QRICH2: variants seen among roughly 807,000 people sequenced by gnomAD.
The protein encoded by QRICH2 is glutamine rich 2.
QRICH2 carries 119 observed loss-of-function variants against 168.3 expected under a neutral mutation model. That is an observed-to-expected ratio of 0.71 (90% CI 0.61 to 0.82). The LOEUF (loss-of-function observed/expected upper bound fraction) is 0.82. Ranked by LOEUF, QRICH2 falls within the 40% of genes least tolerant of loss-of-function variation. The pLI is 0.00. For missense variants in QRICH2, 2,241 were observed against 2,491.6 expected, an observed-to-expected ratio of 0.90 and a Z score of 2.14; for synonymous variants, 894 against 951.2, an observed-to-expected ratio of 0.94 and a Z score of 1.11.
In QRICH2 at chr17:76,274,052, C is replaced by T. The variant is rs1346695355; in HGVS notation, c.*27G>A. 1.4e-6 allele frequency: 2 copies of T among 1,479,120 alleles called. No individual in the cohort carries two copies. The highest frequency in any genetic ancestry group is 1.3e-5 in the South Asian group (1 of 77,716). The allele number at this position is 1,479,120 out of a possible 1,614,324, so 91.6% of individuals were successfully genotyped here. On this transcript the variant is annotated 3_prime_UTR_variant, in exon 19 of 19. Transcript: ENST00000680821. ...AGACGATTCGCCACACCTAAGCTTC[C>T]TCCTGAATGTTTATTTACACCTCCG... is the stretch of plus-strand genomic sequence containing the variant.
chr17:76,276,621 T>C, intron 17 of QRICH2, 59 bp downstream of exon 17: 1 of 1,313,374 alleles, frequency 7.6e-7, no homozygotes, highest in South Asian at 1.2e-5. Context: ...GGCCCCACAA[T>C]GGATGCACGC....
intron 3 of QRICH2, among the ~76,000 whole-genome samples, chr17:76,294,397 T>C (rs567500102): frequency 1.9e-4 from 29 of 151,810 alleles, no homozygotes; most frequent in African/African-American, 6.8e-4. Context: ...CCAGCCTGGG[T>C]GACAAGAGTG....
chr17:76,290,742 T>C (rs989125718), intron 4 of QRICH2, among the ~76,000 whole-genome samples: 1 of 152,058 alleles, frequency 6.6e-6, no homozygotes, highest in South Asian at 2.1e-4. Flanking sequence ...ATGCTACTGC[T>C]CTCTATAACC....
At chr17:76,297,725 G>A (rs537007992) in intron 3 of QRICH2, among the ~76,000 whole-genome samples, 2 of 152,060 alleles carry the variant, frequency 1.3e-5, no homozygotes, top group African/African-American at 4.8e-5. Context: ...ACACACACAA[G>A]CACACACTTT....
At chr17:76,276,638 G>T in intron 17 of QRICH2, 42 bp downstream of exon 17, 1 of 1,504,782 alleles carries the variant, frequency 6.6e-7, no homozygotes, top group Non-Finnish European at 9.2e-7. Context: ...ACGCCCTGTG[G>T]GACCCACGTG....
In QRICH2 at chr17:76,280,882, G is replaced by T. The variant is rs771278606; in HGVS notation, c.4335C>A (p.Ile1445=). Residue 1445 remains isoleucine (I), a synonymous_variant, in exon 9 of 19, where the codon ATC becomes ATA. Transcript: ENST00000680821. This position sits in a 1 kb window ranked among gnomAD's most constrained non-coding sequence, Gnocchi z 7.4. ...GGTCCTCGATGAGGTTGCTGGTGGTGATGTTGAGCTTCTCGCAGTCACCCT... is the reference window on the plus strand; with the variant it reads ...GGTCCTCGATGAGGTTGCTGGTGGTTATGTTGAGCTTCTCGCAGTCACCCT... ...QVQGDCEKLN[I]TTSNLIEDHR... 5.0e-6 allele frequency: 8 copies of T among 1,613,460 alleles called. No homozygotes were observed. The African/African-American group carries it at 1.1e-4, about 22-fold the overall frequency.
In QRICH2 at chr17:76,304,995, TCACATGCACACA is replaced by T; in HGVS notation, c.535-66_535-55del. ...GACAGTGGCCCCTACACACGCACAC[TCACATGCACACA>T]CACACAGATGCGCACACACACTCTC... On this transcript the variant is annotated intron_variant, in intron 1 of 18. Transcript: ENST00000680821. The T allele has an allele frequency of 3.4e-6, 4 of 1,180,016 alleles. No homozygotes were observed. In the South Asian group the frequency reaches 4.9e-5, roughly 14 times the overall value. The allele number at this position is 1,180,016 out of a possible 1,614,324, so 73.1% of individuals were successfully genotyped here.
rs2070767986 is a variant in QRICH2 at position 76,280,543 on chromosome 17, G to T, written c.4462-92C>A. On this transcript the variant is annotated intron_variant, in intron 10 of 18. Coordinates refer to ENST00000680821, the MANE Select transcript of QRICH2 (RefSeq NM_001388453.1). This position sits in a 1 kb window ranked among gnomAD's most constrained non-coding sequence, Gnocchi z 7.4. ...GGTGTCGACCCCTATCACCAGGCAGGTTTCTGAGAGCCCACACTCGTCTCG... is the reference window on the plus strand; with the variant it reads ...GGTGTCGACCCCTATCACCAGGCAGTTTTCTGAGAGCCCACACTCGTCTCG... 1.1e-5 allele frequency: 18 copies of T among 1,591,916 alleles called. No homozygotes were observed. The South Asian group carries it at 1.5e-4, about 13-fold the overall frequency.
Position 76,304,416 on chromosome 17 carries a change from G to A in QRICH2, c.704C>T (p.Ala235Val), listed in dbSNP as rs73996306. Residue 235 changes from alanine to valine, a missense_variant and splice_region_variant, in exon 3 of 19, where the codon GCG (alanine) becomes GTG (valine). Coordinates refer to ENST00000680821, the MANE Select transcript of QRICH2 (RefSeq NM_001388453.1). ...CGGCCCAGGCCCCCACTGGTTCACC[G>A]CTTGTGAGGCTCTCCAGCCGTCCGT... is the stretch of plus-strand genomic sequence containing the variant. ...AITDGWRASQ[A>V]GSETLMGFSK... The A allele has an allele frequency of 0.037, 59,848 of 1,608,536 alleles. 2,158 individuals carry two copies. The highest frequency in any genetic ancestry group is 0.18 in the African/African-American group (13,545 of 74,886).
chr17:76,276,044 C>A, intron 17 of QRICH2, 97 bp from the exon 18 acceptor site: 1 of 1,444,040 alleles, frequency 6.9e-7, no homozygotes, highest in South Asian at 1.2e-5. Context: ...GGCTGCTGGT[C>A]ATGGCCGGCC....
chr17:76,275,362 C>T (rs922766544), intron 18 of QRICH2, among the ~76,000 whole-genome samples: 3 of 152,150 alleles, frequency 2.0e-5, no homozygotes, highest in Non-Finnish European at 4.4e-5. Context: ...CCCTCCTGAC[C>T]TTCAGGCCCA....
chr17:76,309,511 A>T (rs2071046129), upstream of QRICH2: 1 of 152,192 alleles, frequency 6.6e-6, no homozygotes. Flanking sequence ...AAAACGTATA[A>T]ATAAAACTTC....
intron 17 of QRICH2, 103 bp from the exon 18 acceptor site, chr17:76,276,050 C>T (rs913845168): frequency 5.1e-5 from 72 of 1,398,798 alleles, no homozygotes; most frequent in Admixed American, 3.8e-5. Context: ...TGGTCATGGC[C>T]GGCCTCAGCT....
At chr17:76,279,549 C>A in intron 12 of QRICH2, 121 bp from the exon 13 acceptor site, 1 of 730,888 alleles carries the variant, frequency 1.4e-6, no homozygotes, top group Non-Finnish European at 2.3e-6. Context: ...TCCCTGCTCC[C>A]CAGGAATCCA....
chr17:76,288,612 T>C lies in QRICH2; in HGVS notation c.3799-715A>G, dbSNP rs1311335815. The stretch of plus-strand genomic sequence containing the variant: ...CCCAGCTACTTGGGAGGCTGAGGCA[T>C]GAGAATAGCTTGAACCCAGGGGGCA... On this transcript the variant is annotated intron_variant, in intron 5 of 18. Transcript: ENST00000680821. Among the ~76,000 whole-genome samples, 7 of 137,180 alleles carry C rather than the reference T, an allele frequency of 5.1e-5. No homozygotes were observed. In the East Asian group the frequency reaches 1.6e-3, roughly 30 times the overall value. The allele number at this position is 137,180 out of a possible 152,430, so 90.0% of individuals were successfully genotyped here.
In QRICH2 at chr17:76,307,798, C is replaced by T; in HGVS notation, c.201G>A (p.Ser67=). 1 of 1,363,868 alleles carries T rather than the reference C, an allele frequency of 7.3e-7. No homozygotes were observed. Among genetic ancestry groups the T allele is most frequent in the Non-Finnish European group, 9.4e-7 (1 of 1,062,162 alleles). 84.5% of individuals were successfully genotyped at this position (1,363,868 alleles called of 1,614,324 possible). The change falls in exon 1 of 19, where the codon TCG becomes TCA. Residue 67 remains serine (S), a synonymous_variant. Transcript: ENST00000680821. This position sits in a 1 kb window ranked among gnomAD's most constrained non-coding sequence, Gnocchi z 5.3. ...GCGCGGGCAGGTGCGGGATGCTGAACGAGCTCCGGACGGACTGCAGCGAGC... is the reference window on the plus strand; with the variant it reads ...GCGCGGGCAGGTGCGGGATGCTGAATGAGCTCCGGACGGACTGCAGCGAGC... ...PSRSLQSVRS[S]FSIPHLPAPK...
intron 5 of QRICH2, 39 bp downstream of exon 5, chr17:76,289,951 CAA>C (rs370221376): frequency 0.01 from 11,202 of 1,118,026 alleles, no homozygotes; most frequent in East Asian, 0.012. Flanking sequence ...AACTCCATCT[CAA>C]AAAAAAAAAA....
At chr17:76,295,172 T>G (rs1396218405) in intron 3 of QRICH2, among the ~76,000 whole-genome samples, 1 of 151,850 alleles carries the variant, frequency 6.6e-6, no homozygotes, top group Non-Finnish European at 1.5e-5. Flanking sequence ...GTCATGAGAA[T>G]CGCCTGAACC....
chr17:76,305,105 A>G (rs1473988829), intron 1 of QRICH2, among the ~76,000 whole-genome samples, 164 bp from the exon 2 acceptor site: 1 of 151,204 alleles, frequency 6.6e-6, no homozygotes, highest in African/African-American at 2.4e-5. Context: ...GAAAGGGGGA[A>G]TTTGTGTGGC....
Sources: gnomAD v4.1 joint callset for allele counts (sites outside exome capture counted in the v4.1 genomes callset) on GRCh38, gnomAD v4.1.1 for gene constraint, Gnocchi (gnomAD v3.1) non-coding constraint, MANE v1.5 for transcripts, NCBI Gene and HGNC (gene_info 2026-07-23, HGNC 2026-07-21) for gene names.